The following NEGR1 variants were observed in gnomAD, a reference collection of about 807,000 sequenced individuals.
NEGR1 encodes the protein IgLON family member 4.
In NEGR1, 10 loss-of-function variants were observed where a neutral mutation model predicts 40.9. The observed-to-expected ratio is 0.24, with a 90% CI of 0.15 to 0.42. The LOEUF is 0.42. Ranked by LOEUF, NEGR1 falls within the 10% of genes least tolerant of loss-of-function variation. NEGR1 has a pLI of 1.00. For synonymous variants in NEGR1, 185 were observed against 166.8 expected (o/e 1.11, Z -0.84); for missense variants, 352 against 438.9 (o/e 0.80, Z 1.77).
Position 71,402,389 on chromosome 1 carries a change from TTA to T in NEGR1, c.*5055_*5056del, listed in dbSNP as rs1242006494. 2.0e-5 allele frequency: 3 copies of T among 152,158 alleles called. No individual in the cohort carries two copies. The highest frequency in any genetic ancestry group is 2.9e-5 in the Non-Finnish European group (2 of 68,008). 9.4% of individuals were successfully genotyped at this position (152,158 alleles called of 1,614,324 possible). A position where few individuals can be genotyped will look rare whatever the true frequency, so the allele number is the denominator to read the frequency against. On this transcript the variant is annotated 3_prime_UTR_variant, in exon 7 of 7. Transcript: ENST00000357731. ...TTGTCTCTGAAATGAAGCATGTTTCTTAGACTGAAGGAAAGCCCTGGGAGAGA... is the reference window on the plus strand; with the variant it reads ...TTGTCTCTGAAATGAAGCATGTTTCTGACTGAAGGAAAGCCCTGGGAGAGA...
At chr1:72,012,107 T>C (rs149116829) in intron 1 of NEGR1, among the ~76,000 whole-genome samples, 54 of 152,282 alleles carry the variant, frequency 3.5e-4, no homozygotes, top group African/African-American at 1.2e-3. Context: ...TATGAAATTA[T>C]TGATATATTA....
At chr1:72,140,045 T>G (rs1650612611) in intron 1 of NEGR1, among the ~76,000 whole-genome samples, 1 of 152,046 alleles carries the variant, frequency 6.6e-6, no homozygotes, top group Non-Finnish European at 1.5e-5. Flanking sequence ...TCATAAAAGA[T>G]TAAATGGTCA....
At chr1:72,207,180 A>G (rs1278342492) in intron 1 of NEGR1, among the ~76,000 whole-genome samples, 1 of 151,816 alleles carries the variant, frequency 6.6e-6, no homozygotes, top group African/African-American at 2.4e-5. Context: ...ACAAAAGTCA[A>G]TATATATGTA....
chr1:72,279,518 T>C (rs1656174084), intron 1 of NEGR1, among the ~76,000 whole-genome samples: 1 of 152,200 alleles, frequency 6.6e-6, no homozygotes, highest in Non-Finnish European at 1.5e-5. Flanking sequence ...TGATATGTAA[T>C]TTGGTTAAGT....
At chr1:72,134,847 C>T (rs945395850) in intron 1 of NEGR1, among the ~76,000 whole-genome samples, 3 of 151,312 alleles carry the variant, frequency 2.0e-5, no homozygotes, top group African/African-American at 7.3e-5. Flanking sequence ...AAGCGATTCT[C>T]CTGCCTCAGC....
At chr1:72,079,106 TATATA>T (rs1470328727) in intron 1 of NEGR1, among the ~76,000 whole-genome samples, 14 of 130,682 alleles carry the variant, frequency 1.1e-4, no homozygotes, top group Non-Finnish European at 1.5e-4. Context: ...TATATATATA[TATATA>T]ATATTATATA....
chr1:71,560,314 T>C (rs1328078825), intron 6 of NEGR1, among the ~76,000 whole-genome samples: 1 of 150,636 alleles, frequency 6.6e-6, no homozygotes, highest in African/African-American at 2.4e-5. Flanking sequence ...TTCAAATTTC[T>C]TACCTTCCCA....
intron 4 of NEGR1, among the ~76,000 whole-genome samples, chr1:71,671,992 G>A (rs925744130): frequency 7.4e-5 from 11 of 148,232 alleles, no homozygotes; most frequent in Admixed American, 4.8e-4. Context: ...CCTCAGCCTC[G>A]CAAAGTGGTA....
chr1:71,578,204 T>C (rs974350123), intron 6 of NEGR1, among the ~76,000 whole-genome samples: 1 of 152,148 alleles, frequency 6.6e-6, no homozygotes, highest in African/African-American at 2.4e-5. Context: ...AGCTCTCTCA[T>C]CGTGCTCCTA....
At chr1:71,887,088 C>A (rs556902867) in intron 2 of NEGR1, among the ~76,000 whole-genome samples, 2 of 152,232 alleles carry the variant, frequency 1.3e-5, no homozygotes, top group African/African-American at 2.4e-5. Context: ...AGGTATTATA[C>A]ACTGTATTCT....
intron 2 of NEGR1, among the ~76,000 whole-genome samples, chr1:71,882,202 T>C (rs534018333): frequency 6.6e-6 from 1 of 152,142 alleles, no homozygotes; most frequent in Non-Finnish European, 1.5e-5. Flanking sequence ...AGGTGCAATT[T>C]AAATTTGTTG....
intron 6 of NEGR1, among the ~76,000 whole-genome samples, chr1:71,547,337 T>C (rs769778437): frequency 6.6e-6 from 1 of 151,780 alleles, no homozygotes; most frequent in Non-Finnish European, 1.5e-5. Flanking sequence ...GGGAAGTATT[T>C]GTTAGGCGAT....
intron 1 of NEGR1, among the ~76,000 whole-genome samples, chr1:72,104,373 G>A (rs1301423471): frequency 5.9e-5 from 9 of 152,046 alleles, no homozygotes; most frequent in African/African-American, 1.7e-4. Context: ...AGATGTGACC[G>A]CGGAAGCAGA....
intron 6 of NEGR1, among the ~76,000 whole-genome samples, chr1:71,550,097 A>G (rs1648027417): frequency 6.6e-6 from 1 of 151,596 alleles, no homozygotes. Flanking sequence ...TTGTGGGACA[A>G]TCATTTCTAC....
chr1:71,848,371 G>A (rs1303869207), intron 2 of NEGR1, among the ~76,000 whole-genome samples: 3 of 152,180 alleles, frequency 2.0e-5, no homozygotes, highest in Admixed American at 6.5e-5. Flanking sequence ...TAGCTAGAGA[G>A]GTCAAAACCT....
chr1:71,966,937 C>G (rs1368322642), intron 1 of NEGR1, among the ~76,000 whole-genome samples: 1 of 152,114 alleles, frequency 6.6e-6, no homozygotes, highest in African/African-American at 2.4e-5. Flanking sequence ...TTAACATGCT[C>G]ACAACTTAGA....
intron 6 of NEGR1, among the ~76,000 whole-genome samples, chr1:71,559,019 GTA>G (rs1553150124): frequency 1.9e-3 from 214 of 114,074 alleles, no homozygotes; most frequent in African/African-American, 4.8e-3. Context: ...CTGTGTGTGT[GTA>G]TATATATATA....
chr1:72,120,830 G>C (rs1407484157), intron 1 of NEGR1, among the ~76,000 whole-genome samples: 3 of 151,898 alleles, frequency 2.0e-5, no homozygotes, highest in Admixed American at 1.3e-4. Context: ...CTTATGGTTT[G>C]CAATTTTTAG....
At chr1:72,020,665 C>T (rs1445955298) in intron 1 of NEGR1, among the ~76,000 whole-genome samples, 1 of 152,032 alleles carries the variant, frequency 6.6e-6, no homozygotes, top group Non-Finnish European at 1.5e-5. Flanking sequence ...GGTAAATTAC[C>T]AGGTAACATA....
Sources: allele counts gnomAD v4.1 joint callset (sites outside exome capture counted in the v4.1 genomes callset), GRCh38; gene constraint gnomAD v4.1.1; transcripts MANE v1.5; gene names NCBI Gene and HGNC (gene_info 2026-07-23, HGNC 2026-07-21).